Variants in TNPO3 observed in about 807,000 individuals in gnomAD.
TNPO3 encodes transportin 3, also known as transportin-3.
Under a neutral mutation model 122.8 loss-of-function variants are expected in TNPO3, and 65 were observed. That is an observed-to-expected ratio of 0.53 (90% CI 0.43 to 0.65). TNPO3 has a LOEUF of 0.65. Ranked by LOEUF, TNPO3 falls within the 30% of genes least tolerant of loss-of-function variation. The pLI, the probability that TNPO3 is intolerant of heterozygous loss-of-function variation, is 0.00. For synonymous variants in TNPO3, 372 were observed against 411.2 expected (o/e 0.90, Z 1.15); for missense variants, 850 against 1,136.7 (o/e 0.75, Z 3.63).
At chr7:128,988,607 A>G (rs1800423110) in intron 11 of TNPO3, among the ~76,000 whole-genome samples, 1 of 152,216 alleles carries the variant, frequency 6.6e-6, no homozygotes, top group Non-Finnish European at 1.5e-5. Context: ...TCTTTTGATA[A>G]GAGTCTGCAA....
intron 21 of TNPO3, among the ~76,000 whole-genome samples, chr7:128,965,786 T>C (rs781233447): frequency 1.3e-5 from 2 of 152,192 alleles, no homozygotes; most frequent in African/African-American, 2.4e-5. Context: ...CGCTACAACA[T>C]AGATGAATCC....
chr7:129,011,037 G>A (rs972037155), intron 4 of TNPO3, among the ~76,000 whole-genome samples: 1 of 152,158 alleles, frequency 6.6e-6, no homozygotes, highest in African/African-American at 2.4e-5. Context: ...TAATGTAGAG[G>A]AAAGAATTCA....
At position 128,955,295 on chromosome 7, in the gene TNPO3, T is replaced by C; in HGVS notation, c.*122A>G. The C allele has an allele frequency of 2.2e-6, 1 of 454,900 alleles. No homozygotes were observed. Among genetic ancestry groups the C allele is most frequent in the Non-Finnish European group, 4.4e-6 (1 of 226,834 alleles). The allele number at this position is 454,900 out of a possible 1,614,324, so 28.2% of individuals were successfully genotyped here. A position where few individuals can be genotyped will look rare whatever the true frequency, so the allele number is the denominator to read the frequency against. On this transcript the variant is annotated 3_prime_UTR_variant, in exon 23 of 23. Coordinates refer to ENST00000265388, the MANE Select transcript of TNPO3 (RefSeq NM_012470.4). Reference sequence around the variant, plus strand: ...GTCTGGCGGGACACCCTGGTGGCGGTGAAGGCCCCTCTGCCACAACGGAGG... The same window carrying C: ...GTCTGGCGGGACACCCTGGTGGCGGCGAAGGCCCCTCTGCCACAACGGAGG...
In TNPO3 at chr7:128,967,750, A is replaced by G. The variant is rs917988712; in HGVS notation, c.2599-358T>C. Among the ~76,000 whole-genome samples, 4 of 151,948 alleles carry G rather than the reference A, an allele frequency of 2.6e-5. No individual in the cohort carries two copies. In the South Asian group the frequency reaches 8.3e-4, roughly 32 times the overall value. On this transcript the variant is annotated intron_variant, in intron 20 of 22. Transcript: ENST00000265388. ...CACATGCGAACATGAACACACACACACACACACACACACACTCGCTCTCTC... is the reference window on the plus strand; with the variant it reads ...CACATGCGAACATGAACACACACACGCACACACACACACACTCGCTCTCTC...
chr7:129,030,674 ATT>A (rs1331746452), intron 1 of TNPO3: 2 of 152,072 alleles, frequency 1.3e-5, no homozygotes, highest in Non-Finnish European at 2.9e-5. Flanking sequence ...CTATTTAAAT[ATT>A]TGTTTTATAT....
At chr7:128,959,959 T>G (rs1463348141) in intron 21 of TNPO3, among the ~76,000 whole-genome samples, 1 of 152,048 alleles carries the variant, frequency 6.6e-6, no homozygotes, top group East Asian at 1.9e-4. Context: ...GGGTGGAGGT[T>G]GCAGTGAGCT....
At chr7:129,053,002 G>A (rs887769543) in intron 1 of TNPO3, among the ~76,000 whole-genome samples, 3 of 152,058 alleles carry the variant, frequency 2.0e-5, no homozygotes, top group African/African-American at 7.2e-5. Flanking sequence ...AGAGGACTTG[G>A]GTGCCAGTTT....
At position 129,032,290 on chromosome 7, in the gene TNPO3, A is replaced by G. The variant is rs115921161; in HGVS notation, c.121-14133T>C. 5.4e-3 allele frequency among the ~76,000 whole-genome samples: 818 copies of G among 152,356 alleles called. 7 individuals are homozygous for G. The highest frequency in any genetic ancestry group is 0.019 in the African/African-American group (790 of 41,584). On this transcript the variant is annotated intron_variant, in intron 1 of 22. Transcript: ENST00000265388. ...AAAAGCTTTTCAAAACTGTAAGATC[A>G]GGAACAAGACTAGGATATCTACTGT...
rs1057064473 is a variant in TNPO3 at position 128,972,471 on chromosome 7, G to A, written c.2385C>T (p.Val795=). The A allele has an allele frequency of 8.1e-6, 13 of 1,614,012 alleles. No homozygotes were observed. The highest frequency in any genetic ancestry group is 2.7e-5 in the African/African-American group (2 of 74,906). The change falls in exon 19 of 23, where the codon GTC becomes GTT. Residue 795 remains valine, a synonymous_variant. Transcript: ENST00000265388. ...GAATGAGGTCTCGTAGAAACCTCAT[G>A]ACACTACAATTGGCATCCCGGTGGT... ...TLDHRDANCS[V]MRFLRDLIHT...
At chr7:129,043,451 G>A (rs982901274) in intron 1 of TNPO3, among the ~76,000 whole-genome samples, 3 of 152,092 alleles carry the variant, frequency 2.0e-5, no homozygotes, top group Admixed American at 1.3e-4. Context: ...GAATCAATAA[G>A]GCCAATGACA....
chr7:128,990,149 T>C, intron 10 of TNPO3, 49 bp from the exon 11 acceptor site: 10 of 1,611,836 alleles, frequency 6.2e-6, no homozygotes, highest in Non-Finnish European at 8.5e-6. Flanking sequence ...AGAGGTTATA[T>C]TCTGGCCAAA....
At chr7:128,979,423 C>T (rs757152280) in intron 15 of TNPO3, among the ~76,000 whole-genome samples, 3 of 152,072 alleles carry the variant, frequency 2.0e-5, no homozygotes, top group African/African-American at 4.8e-5. Context: ...AGAATTGGTA[C>T]GAGCTATATA....
At chr7:129,015,255 G>T in intron 3 of TNPO3, 120 bp from the exon 4 acceptor site, 1 of 939,834 alleles carries the variant, frequency 1.1e-6, no homozygotes, top group Non-Finnish European at 1.6e-6. Flanking sequence ...CTGTTAAGGG[G>T]GAGAAAAAAG....
intron 21 of TNPO3, among the ~76,000 whole-genome samples, chr7:128,966,062 T>C (rs1021491461): frequency 6.6e-6 from 1 of 152,244 alleles, no homozygotes; most frequent in Admixed American, 6.5e-5. Flanking sequence ...AAATGGTTAA[T>C]ACTGTAAATT....
chr7:128,982,354 A>G (rs759052839), intron 13 of TNPO3, 30 bp from the exon 14 acceptor site: 8 of 1,591,482 alleles, frequency 5.0e-6, no homozygotes, highest in South Asian at 1.1e-5. Context: ...TTAACACCCA[A>G]TTGTCACATG....
At chr7:128,997,599 T>TATC (rs2150368645) in intron 7 of TNPO3, 64 bp from the exon 8 acceptor site, 1 of 1,376,992 alleles carries the variant, frequency 7.3e-7, no homozygotes, top group Non-Finnish European at 1.0e-6. Flanking sequence ...GACATTTTAT[T>TATC]ATCACCACGA....
chr7:128,963,048 G>C (rs375499357), intron 21 of TNPO3, among the ~76,000 whole-genome samples: 3 of 152,190 alleles, frequency 2.0e-5, no homozygotes, highest in African/African-American at 7.2e-5. Context: ...ACATGCCCCA[G>C]CTAGTTTTGC....
chr7:129,005,044 T>G lies in TNPO3; in HGVS notation c.668A>C (p.Lys223Thr). Residue 223 changes from lysine to threonine, a missense_variant, in exon 5 of 23, where the codon AAA becomes ACA. By Grantham distance (78) the Lys-to-Thr change is moderately conservative (BLOSUM62 -1). Transcript: ENST00000265388. ...AACCTCAAAAAGGAGTGCTAGTAAT[T>G]TATTGTTAGCCATGAAGTTACTGTC... ...VLDSNFMANN[K>T]LLALLFEVLQ... 6.2e-7 allele frequency: 1 copy of G among 1,613,524 alleles called. No individual in the cohort carries two copies. The highest frequency in any genetic ancestry group is 8.5e-7 in the Non-Finnish European group (1 of 1,179,730).
intron 16 of TNPO3, among the ~76,000 whole-genome samples, chr7:128,978,198 A>G (rs1385745289): frequency 2.6e-5 from 4 of 152,366 alleles, no homozygotes; most frequent in Admixed American, 6.5e-5. Context: ...GGCATCTCAT[A>G]CAGTTCTAGA....
Sources: allele counts gnomAD v4.1 joint callset (sites outside exome capture counted in the v4.1 genomes callset), GRCh38; gene constraint gnomAD v4.1.1; transcripts MANE v1.5; gene names NCBI Gene and HGNC (gene_info 2026-07-23, HGNC 2026-07-21).